SNAP91: variants seen among roughly 807,000 people sequenced by gnomAD.
SNAP91 encodes the protein clathrin coat assembly protein AP180.
SNAP91 carries 27 observed loss-of-function variants against 100.3 expected under a neutral mutation model. The ratio of observed to expected loss-of-function variants is 0.27; its 90% confidence interval spans 0.20 to 0.37. The LOEUF is 0.37. SNAP91 is among the 10% of genes least tolerant of loss of function. The pLI is 1.00. For synonymous variants in SNAP91, 404 were observed against 398.6 expected (o/e 1.01, Z -0.16); for missense variants, 986 against 1,123.7 (o/e 0.88, Z 1.75).
chr6:83,586,898 T>C (rs1316764004), intron 22 of SNAP91, among the ~76,000 whole-genome samples: 1 of 152,102 alleles, frequency 6.6e-6, no homozygotes, highest in Non-Finnish European at 1.5e-5. Context: ...CAGAATTTTT[T>C]ATCATTTCAC....
chr6:83,691,877 C>T (rs1242073914), intron 2 of SNAP91, among the ~76,000 whole-genome samples: 1 of 152,014 alleles, frequency 6.6e-6, no homozygotes, highest in Non-Finnish European at 1.5e-5. Context: ...AAAGGAAAGC[C>T]ATAACAGACA....
At chr6:83,600,584 C>T (rs1257504719) in intron 16 of SNAP91, among the ~76,000 whole-genome samples, 1 of 152,062 alleles carries the variant, frequency 6.6e-6, no homozygotes, top group Admixed American at 6.6e-5. Flanking sequence ...CAGGTCCAGG[C>T]ATATTATAGT....
intron 4 of SNAP91, among the ~76,000 whole-genome samples, chr6:83,661,850 G>A (rs560282538): frequency 1.3e-5 from 2 of 152,138 alleles, no homozygotes; most frequent in African/African-American, 4.8e-5. Context: ...AATTTTCCTT[G>A]AACTTTTGTT....
In SNAP91 at chr6:83,580,367, A is replaced by G. The variant is rs888600274; in HGVS notation, c.2299+83T>C. The stretch of plus-strand genomic sequence containing the variant: ...AGAGTCCAGAAACAAAACATATGAG[A>G]TGAGAGAGAGAGAGAGAGAGAAACA... On this transcript the variant is annotated intron_variant, in intron 24 of 29. Coordinates refer to ENST00000369694, the MANE Select transcript of SNAP91 (RefSeq NM_001242792.2). The G allele has an allele frequency of 6.7e-6, 9 of 1,349,924 alleles. No homozygotes were observed. In the African/African-American group the frequency reaches 1.0e-4, roughly 15 times the overall value. 83.6% of individuals were successfully genotyped at this position (1,349,924 alleles called of 1,614,324 possible). A position where few individuals can be genotyped will look rare whatever the true frequency, so the allele number is the denominator to read the frequency against.
chr6:83,565,098 T>TTA (rs1794752231), intron 26 of SNAP91, among the ~76,000 whole-genome samples: 1 of 151,494 alleles, frequency 6.6e-6, no homozygotes, highest in African/African-American at 2.4e-5. Flanking sequence ...GCTAAGGATG[T>TTA]TATAGGGTAG....
intron 2 of SNAP91, 39 bp from the exon 3 acceptor site, chr6:83,665,620 T>C (rs1237783623): frequency 5.1e-6 from 8 of 1,573,324 alleles, no homozygotes; most frequent in Non-Finnish European, 6.9e-6. Flanking sequence ...ATATTAACAA[T>C]TACATGCAAA....
At chr6:83,682,373 G>GTTGT (rs1223118836) in intron 2 of SNAP91, among the ~76,000 whole-genome samples, 1 of 151,184 alleles carries the variant, frequency 6.6e-6, no homozygotes, top group East Asian at 2.0e-4. Context: ...TTGTGTGTTT[G>GTTGT]TTGTTTGTTT....
intron 2 of SNAP91, among the ~76,000 whole-genome samples, chr6:83,671,378 T>C (rs1222244226): frequency 1.3e-5 from 2 of 152,120 alleles, no homozygotes; most frequent in African/African-American, 4.8e-5. Flanking sequence ...AACTTCCTTA[T>C]CAGTTCTTTT....
Position 83,595,279 on chromosome 6 carries a change from T to C in SNAP91, c.1325-798A>G, listed in dbSNP as rs183106623. On this transcript the variant is annotated intron_variant, in intron 16 of 29. Transcript: ENST00000369694. ...GACATAAAGAGATAAAAATAGGGTA[T>C]GATACCATAATGCAATTATATTTTT... is the stretch of plus-strand genomic sequence containing the variant. Among the ~76,000 whole-genome samples the C allele has an allele frequency of 2.4e-3, 362 of 152,324 alleles. 1 individual carries two copies. Among genetic ancestry groups the C allele is most frequent in the African/African-American group, 7.8e-3 (324 of 41,578 alleles).
intron 7 of SNAP91, among the ~76,000 whole-genome samples, chr6:83,654,395 G>C (rs529883539): frequency 8.5e-5 from 13 of 152,256 alleles, no homozygotes; most frequent in Admixed American, 5.2e-4. Context: ...ACATATTGGT[G>C]ACTTCTAAGC....
At chr6:83,637,660 A>T (rs1362480723) in intron 8 of SNAP91, among the ~76,000 whole-genome samples, 1 of 152,206 alleles carries the variant, frequency 6.6e-6, no homozygotes, top group East Asian at 1.9e-4. Context: ...CTGGGAAAGA[A>T]GATGTGGCTT....
At chr6:83,573,409 T>A (rs935347232) in intron 26 of SNAP91, among the ~76,000 whole-genome samples, 8 of 152,276 alleles carry the variant, frequency 5.3e-5, no homozygotes, top group African/African-American at 1.9e-4. Flanking sequence ...GCCATCCCCA[T>A]CAAGCTACCA....
chr6:83,616,034 T>C (rs2096465743), intron 10 of SNAP91, among the ~76,000 whole-genome samples: 1 of 152,172 alleles, frequency 6.6e-6, no homozygotes, highest in Non-Finnish European at 1.5e-5. Context: ...GGACATACAT[T>C]AAGTGTTTAA....
At chr6:83,682,391 G>C (rs1322008311) in intron 2 of SNAP91, among the ~76,000 whole-genome samples, 1 of 151,620 alleles carries the variant, frequency 6.6e-6, no homozygotes, top group Non-Finnish European at 1.5e-5. Context: ...TTTGTTTGTA[G>C]AGATGGAGTT....
intron 14 of SNAP91, among the ~76,000 whole-genome samples, chr6:83,604,555 A>G (rs1348827563): frequency 6.6e-6 from 1 of 152,166 alleles, no homozygotes; most frequent in African/African-American, 2.4e-5. Context: ...TTTTGATGTT[A>G]TACTGACACA....
chr6:83,705,480 G>T (rs1327678796), intron 2 of SNAP91, among the ~76,000 whole-genome samples: 1 of 152,110 alleles, frequency 6.6e-6, no homozygotes, highest in Non-Finnish European at 1.5e-5. Context: ...CTAATCTACA[G>T]ATGGCAGTTA....
intron 7 of SNAP91, among the ~76,000 whole-genome samples, chr6:83,655,397 G>A (rs2098373541): frequency 6.6e-6 from 1 of 152,116 alleles, no homozygotes; most frequent in South Asian, 2.1e-4. Context: ...GATGCCACGT[G>A]GGGCTCTGTT....
intron 6 of SNAP91, among the ~76,000 whole-genome samples, chr6:83,658,199 C>A (rs748169320): frequency 2.6e-5 from 4 of 152,094 alleles, no homozygotes; most frequent in Non-Finnish European, 5.9e-5. Flanking sequence ...ATGGTAACAT[C>A]CTATAAAACT....
At chr6:83,677,738 T>C (rs556174107) in intron 2 of SNAP91, among the ~76,000 whole-genome samples, 1 of 152,240 alleles carries the variant, frequency 6.6e-6, no homozygotes, top group Non-Finnish European at 1.5e-5. Flanking sequence ...ACATTGCTTT[T>C]ATATTTTATC....
Sources: allele counts gnomAD v4.1 joint callset (sites outside exome capture counted in the v4.1 genomes callset), GRCh38; gene constraint gnomAD v4.1.1; transcripts MANE v1.5; gene names NCBI Gene and HGNC (gene_info 2026-07-23, HGNC 2026-07-21).